Variants in CDH13 observed in about 807,000 individuals in gnomAD.
CDH13 encodes the protein cadherin-13.
In CDH13, 24 loss-of-function variants were observed where a neutral mutation model predicts 63.8. That is an observed-to-expected ratio of 0.38 (90% CI 0.27 to 0.53). The LOEUF (loss-of-function observed/expected upper bound fraction) is 0.53, where lower values mean the gene tolerates loss of function less well. Among genes scored for constraint, CDH13 ranks in the 20% least tolerant of loss-of-function variants. CDH13 has a pLI of 0.85. For synonymous variants in CDH13, 503 were observed against 355.3 expected (o/e 1.42, Z -4.67); for missense variants, 1,049 against 903.1 (o/e 1.16, Z -2.07).
chr16:83,720,784 G>C (rs1462510749), intron 10 of CDH13, among the ~76,000 whole-genome samples: 1 of 152,114 alleles, frequency 6.6e-6, no homozygotes, highest in Non-Finnish European at 1.5e-5. Flanking sequence ...CAAACCCAGG[G>C]CCAGTCCATC....
At chr16:83,649,240 A>G (rs1278654950) in intron 8 of CDH13, among the ~76,000 whole-genome samples, 1 of 152,254 alleles carries the variant, frequency 6.6e-6, no homozygotes, top group South Asian at 2.1e-4. Context: ...ATCAGACCCA[A>G]TGAGGATTTT....
chr16:82,880,291 C>G (rs899608606), intron 2 of CDH13, among the ~76,000 whole-genome samples: 1 of 152,088 alleles, frequency 6.6e-6, no homozygotes, highest in African/African-American at 2.4e-5. Context: ...CAGCAAGCTA[C>G]GTGGATGAGG....
Position 83,670,966 on chromosome 16 carries a change from T to G in CDH13, c.1278T>G (p.Val426=). ...AAACCAACGAAGGGATGCTTTCTGT[T>G]GTCAAAGTAAGGGTGCTTCCAATTG... ...NPQTNEGMLS[V]VKPLDYEISA... The change falls in exon 9 of 14, where the codon GTT becomes GTG. Residue 426 remains valine (V), a synonymous_variant. Coordinates refer to ENST00000567109, the MANE Select transcript of CDH13 (RefSeq NM_001257.5). 5 of 1,593,602 alleles carry G rather than the reference T, an allele frequency of 3.1e-6. No individual in the cohort carries two copies. The highest frequency in any genetic ancestry group is 3.4e-6 in the Non-Finnish European group (4 of 1,167,302).
intron 4 of CDH13, among the ~76,000 whole-genome samples, chr16:83,156,783 A>G (rs1371444528): frequency 1.8e-4 from 28 of 152,160 alleles, no homozygotes; most frequent in Non-Finnish European, 1.5e-5. Context: ...TTCCGTATTC[A>G]TTCAGCACAG....
intron 1 of CDH13, among the ~76,000 whole-genome samples, chr16:82,819,194 T>A (rs1224811085): frequency 1.3e-5 from 2 of 152,232 alleles, no homozygotes; most frequent in Non-Finnish European, 2.9e-5. Context: ...AGGTGAGTAA[T>A]CCTGTAGTTA....
intron 4 of CDH13, among the ~76,000 whole-genome samples, chr16:83,169,867 G>T (rs955722356): frequency 1.3e-5 from 2 of 151,990 alleles, no homozygotes; most frequent in Non-Finnish European, 2.9e-5. Flanking sequence ...CAAAATCAAA[G>T]TCACATGAAT....
intron 5 of CDH13, among the ~76,000 whole-genome samples, chr16:83,274,310 G>C (rs150767928): frequency 6.6e-6 from 1 of 152,282 alleles, no homozygotes; most frequent in African/African-American, 2.4e-5. Flanking sequence ...AAGGGTTTGT[G>C]GATCAGAGAC....
chr16:83,177,437 T>A (rs903937799), intron 4 of CDH13, among the ~76,000 whole-genome samples: 2 of 152,232 alleles, frequency 1.3e-5, no homozygotes, highest in Non-Finnish European at 2.9e-5. Flanking sequence ...CCTCAAAGTT[T>A]AACTCAGCTA....
chr16:82,933,241 TA>T (rs768155111), intron 2 of CDH13, among the ~76,000 whole-genome samples: 1 of 152,098 alleles, frequency 6.6e-6, no homozygotes, highest in Non-Finnish European at 1.5e-5. Context: ...TCAGGAAAGT[TA>T]CAGTATGGCC....
chr16:82,977,043 A>G (rs1320850006), intron 2 of CDH13, among the ~76,000 whole-genome samples: 3 of 152,152 alleles, frequency 2.0e-5, no homozygotes, highest in East Asian at 1.9e-4. Flanking sequence ...AAAGCTATAT[A>G]TTTCCTCTTA....
chr16:83,328,882 A>G lies in CDH13; in HGVS notation c.637-15980A>G, dbSNP rs144710452. On this transcript the variant is annotated intron_variant, in intron 5 of 13. Transcript: ENST00000567109. ...TGATCCAAGGGGAAAATGGAGCTCC[A>G]CACTAGCAGGGATAAAAGGAAGGTG... 5.9e-3 allele frequency among the ~76,000 whole-genome samples: 896 copies of G among 152,338 alleles called. 3 individuals are homozygous for G. Among genetic ancestry groups the G allele is most frequent in the Middle Eastern group, 0.02 (6 of 294 alleles).
At chr16:82,636,030 T>C (rs1908613786) in intron 1 of CDH13, among the ~76,000 whole-genome samples, 1 of 152,076 alleles carries the variant, frequency 6.6e-6, no homozygotes, top group South Asian at 2.1e-4. Flanking sequence ...CAATTAGACC[T>C]CCTGTCTTTA....
At chr16:83,695,335 A>G (rs1405779451) in intron 10 of CDH13, among the ~76,000 whole-genome samples, 1 of 152,262 alleles carries the variant, frequency 6.6e-6, no homozygotes, top group African/African-American at 2.4e-5. Context: ...TGCTGTGCGC[A>G]AGCTCCTTTT....
chr16:83,051,867 C>A (rs894741541), intron 3 of CDH13, among the ~76,000 whole-genome samples: 3 of 152,174 alleles, frequency 2.0e-5, no homozygotes, highest in Non-Finnish European at 2.9e-5. Context: ...GAGACACAGC[C>A]CTCTTTTCTG....
Position 83,216,397 on chromosome 16 carries a change from AATATATATATATATAT to A in CDH13, c.484-916_484-901del, listed in dbSNP as rs1158270310. On this transcript the variant is annotated intron_variant, in intron 4 of 13. Transcript: ENST00000567109. ...TAATGTCCTCTGCCTCCAGCATTGA[AATATATATATATATAT>A]ATATATATATATATATATATATATA... 4.5e-3 allele frequency among the ~76,000 whole-genome samples: 73 copies of A among 16,108 alleles called. 3 individuals are homozygous for A. The highest frequency in any genetic ancestry group is 0.013 in the Admixed American group (10 of 790). 10.6% of individuals were successfully genotyped at this position (16,108 alleles called of 152,430 possible). A position where few individuals can be genotyped will look rare whatever the true frequency, so the allele number is the denominator to read the frequency against.
In CDH13 at chr16:83,431,986, C is replaced by T. The variant is rs117045543; in HGVS notation, c.782-54491C>T. On this transcript the variant is annotated intron_variant, in intron 6 of 13. Coordinates refer to ENST00000567109, the MANE Select transcript of CDH13 (RefSeq NM_001257.5). ...AGAGGGATTCATGTTTTAATGGATC[C>T]TTCTGGCCACTTTGTTGAGGGATAG... 7.6e-3 allele frequency among the ~76,000 whole-genome samples: 1,155 copies of T among 152,228 alleles called. 9 individuals are homozygous for T. The highest frequency in any genetic ancestry group is 0.012 in the Non-Finnish European group (794 of 68,010).
chr16:83,239,094 C>T (rs117889944), intron 5 of CDH13, among the ~76,000 whole-genome samples: 299 of 152,328 alleles, frequency 2.0e-3, no homozygotes, highest in Non-Finnish European at 3.0e-3. Context: ...TGATGCTCTA[C>T]TTCCTACTCT....
At chr16:82,809,355 C>G (rs1394618280) in intron 1 of CDH13, among the ~76,000 whole-genome samples, 1 of 151,518 alleles carries the variant, frequency 6.6e-6, no homozygotes, top group Non-Finnish European at 1.5e-5. Flanking sequence ...AGTAGTTTAG[C>G]CTTGCCCTGT....
At chr16:83,430,711 T>A (rs1031093119) in intron 6 of CDH13, among the ~76,000 whole-genome samples, 1 of 152,300 alleles carries the variant, frequency 6.6e-6, no homozygotes, top group African/African-American at 2.4e-5. Flanking sequence ...CTGAAATTAT[T>A]CCTATAGTTT....
Sources: gnomAD v4.1 joint callset for allele counts (sites outside exome capture counted in the v4.1 genomes callset) on GRCh38, gnomAD v4.1.1 for gene constraint, MANE v1.5 for transcripts, NCBI Gene and HGNC (gene_info 2026-07-23, HGNC 2026-07-21) for gene names.